Variants in RNF2 observed in about 807,000 individuals in gnomAD.
RNF2 encodes the protein ring finger protein 2.
In RNF2, 6 loss-of-function variants were observed where a neutral mutation model predicts 37.2. That is an observed-to-expected ratio of 0.16 (90% CI 0.09 to 0.32). The LOEUF is 0.32. Ranked by LOEUF, RNF2 falls within the 10% of genes least tolerant of loss-of-function variation. The probability of loss-of-function intolerance (pLI) is 1.00; values close to 1 mark genes in which losing one functional copy is unlikely to be tolerated. For missense variants in RNF2, 251 were observed against 404.0 expected (o/e 0.62, Z 3.25); for synonymous variants, 133 against 132.7 (o/e 1.00, Z -0.02).
intron 1 of RNF2, among the ~76,000 whole-genome samples, chr1:185,073,356 T>C (rs1479571753): frequency 6.6e-6 from 1 of 152,180 alleles, no homozygotes; most frequent in East Asian, 1.9e-4. Flanking sequence ...ATATCAAAAC[T>C]TAGGAGCCAT....
Position 185,100,193 on chromosome 1 carries a change from GT to G in RNF2, c.910-3del. The G allele has an allele frequency of 6.4e-7, 1 of 1,568,498 alleles. No individual in the cohort carries two copies. Among genetic ancestry groups the G allele is most frequent in the Non-Finnish European group, 8.6e-7 (1 of 1,159,954 alleles). On this transcript the variant is annotated splice_region_variant and splice_polypyrimidine_tract_variant and intron_variant, in intron 6 of 6. Transcript: ENST00000367510. Reference sequence around the variant, plus strand: ...TTTCATAATTTTTTCTTTCTTTTTTGTTTTAGGTATTAAATGGCTCTTTTTC... The same window carrying G: ...TTTCATAATTTTTTCTTTCTTTTTTGTTTAGGTATTAAATGGCTCTTTTTC...
In RNF2 at chr1:185,067,708, C is replaced by CTTTT. The variant is rs753063280; in HGVS notation, c.-2-19827_-2-19824dup. 6.0e-4 allele frequency among the ~76,000 whole-genome samples: 73 copies of CTTTT among 121,132 alleles called. 2 individuals carry two copies. The highest frequency in any genetic ancestry group is 2.2e-3 in the African/African-American group (68 of 30,846). 79.5% of individuals were successfully genotyped at this position (121,132 alleles called of 152,430 possible). A position where few individuals can be genotyped will look rare whatever the true frequency, so the allele number is the denominator to read the frequency against. On this transcript the variant is annotated intron_variant, in intron 1 of 6. Coordinates refer to ENST00000367510, the MANE Select transcript of RNF2 (RefSeq NM_007212.4). Reference sequence around the variant, plus strand: ...GATAATTAAGTAATTTAAAAGTATCCTTTTTTTTTTTTTTTTTTTTGAGAC... The same window carrying CTTTT: ...GATAATTAAGTAATTTAAAAGTATCCTTTTTTTTTTTTTTTTTTTTTTTTGAGAC...
rs562697012 is a variant in RNF2 at position 185,052,727 on chromosome 1, G to A, written c.-3+7078G>A. ...TTTTTTAAAAAATGAGGTGACCATC[G>A]TTTTAGGTGAGCTGAAAAGTTTGAA... On this transcript the variant is annotated intron_variant, in intron 1 of 6. Transcript: ENST00000367510. Among the ~76,000 whole-genome samples, 5 of 152,266 alleles carry A rather than the reference G, an allele frequency of 3.3e-5. No individual in the cohort carries two copies. In the South Asian group the frequency reaches 1.0e-3, roughly 32 times the overall value.
intron 1 of RNF2, among the ~76,000 whole-genome samples, chr1:185,046,495 G>C (rs1242585021): frequency 6.6e-6 from 1 of 151,964 alleles, no homozygotes; most frequent in African/African-American, 2.4e-5. Flanking sequence ...AGTAAAAATT[G>C]ATCTCAAACT....
At chr1:185,072,350 A>G (rs988377553) in intron 1 of RNF2, among the ~76,000 whole-genome samples, 3 of 152,104 alleles carry the variant, frequency 2.0e-5, no homozygotes, top group East Asian at 1.9e-4. Flanking sequence ...TTCTTAAGCA[A>G]ATATTTATTG....
At chr1:185,095,822 G>T (rs1393446169) in intron 4 of RNF2, among the ~76,000 whole-genome samples, 1 of 152,012 alleles carries the variant, frequency 6.6e-6, no homozygotes. Flanking sequence ...TTTTATGTAG[G>T]TATATGTTCG....
chr1:185,070,611 C>A (rs908764559), intron 1 of RNF2, among the ~76,000 whole-genome samples: 1 of 150,384 alleles, frequency 6.6e-6, no homozygotes, highest in Non-Finnish European at 1.5e-5. Flanking sequence ...CTACATCTAA[C>A]TTCTGTAGAC....
At chr1:185,064,459 T>G (rs1291121689) in intron 1 of RNF2, among the ~76,000 whole-genome samples, 1 of 152,234 alleles carries the variant, frequency 6.6e-6, no homozygotes, top group Non-Finnish European at 1.5e-5. Flanking sequence ...ATTTTTCAAC[T>G]TTACAGTGGT....
chr1:185,052,964 C>A (rs997698511), intron 1 of RNF2, among the ~76,000 whole-genome samples: 2 of 152,156 alleles, frequency 1.3e-5, no homozygotes, highest in Non-Finnish European at 2.9e-5. Flanking sequence ...CTAAAACTTA[C>A]TAAATCCTTA....
At chr1:185,078,724 A>C (rs552653886) in intron 1 of RNF2, among the ~76,000 whole-genome samples, 1 of 152,258 alleles carries the variant, frequency 6.6e-6, no homozygotes, top group Admixed American at 6.5e-5. Context: ...AGCCTGGCCA[A>C]CATGGTGAAA....
chr1:185,067,005 G>A (rs1650816428), intron 1 of RNF2, among the ~76,000 whole-genome samples: 1 of 152,160 alleles, frequency 6.6e-6, no homozygotes, highest in South Asian at 2.1e-4. Flanking sequence ...GTCTAGAAAT[G>A]TTAAGTTTAT....
chr1:185,082,695 C>G (rs569532449), intron 1 of RNF2, among the ~76,000 whole-genome samples: 1 of 152,054 alleles, frequency 6.6e-6, no homozygotes, highest in East Asian at 1.9e-4. Context: ...CCTGTACGTT[C>G]GTTAGCAGTT....
At chr1:185,065,198 G>T (rs1650764716) in intron 1 of RNF2, among the ~76,000 whole-genome samples, 1 of 152,072 alleles carries the variant, frequency 6.6e-6, no homozygotes, top group Non-Finnish European at 1.5e-5. Context: ...GATTGTAAAT[G>T]CACCAGTCAG....
At chr1:185,048,070 C>G (rs796280734) in intron 1 of RNF2, among the ~76,000 whole-genome samples, 9 of 152,184 alleles carry the variant, frequency 5.9e-5, no homozygotes, top group African/African-American at 1.9e-4. Flanking sequence ...CCCTTTCTAC[C>G]TAATGTGTCT....
At chr1:185,078,580 G>A (rs1164460100) in intron 1 of RNF2, among the ~76,000 whole-genome samples, 1 of 152,120 alleles carries the variant, frequency 6.6e-6, no homozygotes, top group Non-Finnish European at 1.5e-5. Flanking sequence ...TGTACTTAGT[G>A]ATCTTTCATA....
intron 1 of RNF2, among the ~76,000 whole-genome samples, chr1:185,082,523 T>A (rs996772019): frequency 1.9e-4 from 28 of 146,714 alleles, no homozygotes; most frequent in African/African-American, 4.1e-4. Flanking sequence ...CTAATTTTTT[T>A]ATTTTTTTTT....
chr1:185,074,160 G>T (rs1259776599), intron 1 of RNF2, among the ~76,000 whole-genome samples: 1 of 152,162 alleles, frequency 6.6e-6, no homozygotes, highest in Non-Finnish European at 1.5e-5. Flanking sequence ...GGTCCATTGG[G>T]GTTCCAACCA....
intron 1 of RNF2, among the ~76,000 whole-genome samples, chr1:185,060,313 T>C (rs1485130519): frequency 6.6e-6 from 1 of 152,204 alleles, no homozygotes; most frequent in Non-Finnish European, 1.5e-5. Context: ...GGTTTATTTA[T>C]TGGGGCCAGT....
At chr1:185,068,731 A>G (rs994255091) in intron 1 of RNF2, among the ~76,000 whole-genome samples, 7 of 152,196 alleles carry the variant, frequency 4.6e-5, no homozygotes, top group South Asian at 2.1e-4. Flanking sequence ...ATTTGTGATA[A>G]TGTTACAGTA....
Sources: allele counts gnomAD v4.1 joint callset (sites outside exome capture counted in the v4.1 genomes callset), GRCh38; gene constraint gnomAD v4.1.1; transcripts MANE v1.5; gene names NCBI Gene and HGNC (gene_info 2026-07-23, HGNC 2026-07-21).